The following CBLN2 variants were observed in gnomAD, a reference collection of about 807,000 sequenced individuals.
The protein encoded by CBLN2 is cerebellin 2 precursor.
CBLN2 carries 7 observed loss-of-function variants against 15.0 expected under a neutral mutation model. The observed-to-expected ratio is 0.47, with a 90% CI of 0.27 to 0.88. CBLN2 has a LOEUF of 0.88. Among genes scored for constraint, CBLN2 ranks in the 40% least tolerant of loss-of-function variants. The probability of loss-of-function intolerance (pLI) is 0.14; values close to 1 mark genes in which losing one functional copy is unlikely to be tolerated. For synonymous variants in CBLN2, 149 were observed against 135.2 expected (o/e 1.10, Z -0.71); for missense variants, 242 against 304.5 (o/e 0.79, Z 1.53).
chr18:72,575,113 C>A (rs2069356403), intron 1 of CBLN2, among the ~76,000 whole-genome samples: 1 of 152,006 alleles, frequency 6.6e-6, no homozygotes. Flanking sequence ...TGGGAGGGTG[C>A]AAGTACGGTT....
chr18:72,556,175 G>A (rs2069225879), intron 1 of CBLN2, among the ~76,000 whole-genome samples: 1 of 152,108 alleles, frequency 6.6e-6, no homozygotes. Flanking sequence ...CATGCTGACT[G>A]GAACACACAT....
rs1599009240 is a variant in CBLN2, at chr18:72,581,243, T to C, written c.16-42471A>G. ...TAACGTGTGTCAGAATATTTTTAAT[T>C]GTATACCTTGAGGAATAAATTGCTT... On this transcript the variant is annotated intron_variant, in intron 1 of 2. Coordinates refer to the CBLN2 transcript ENST00000581073. Among the ~76,000 whole-genome samples the C allele has an allele frequency of 3.9e-5, 6 of 152,344 alleles. 1 individual carries two copies. The East Asian group carries it at 1.2e-3, about 29-fold the overall frequency.
chr18:72,633,476 AAAC>A, intron 1 of CBLN2, among the ~76,000 whole-genome samples: 1 of 152,208 alleles, frequency 6.6e-6, no homozygotes, highest in East Asian at 1.9e-4. Flanking sequence ...AGCTAGCTTA[AAAC>A]ATCACCAGCT....
chr18:72,630,799 C>T (rs1271374730), intron 1 of CBLN2, among the ~76,000 whole-genome samples: 13 of 152,168 alleles, frequency 8.5e-5, no homozygotes, highest in African/African-American at 2.2e-4. Flanking sequence ...AACTGAAGGA[C>T]GCCAACATTC....
At chr18:72,591,899 C>G (rs2069482204) in intron 1 of CBLN2, among the ~76,000 whole-genome samples, 1 of 152,090 alleles carries the variant, frequency 6.6e-6, no homozygotes, top group African/African-American at 2.4e-5. Flanking sequence ...CATTTGTCTG[C>G]TGATAGACAC....
chr18:72,555,221 G>T (rs143462184), intron 1 of CBLN2, among the ~76,000 whole-genome samples: 1 of 152,092 alleles, frequency 6.6e-6, no homozygotes, highest in African/African-American at 2.4e-5. Flanking sequence ...GTTTAAAATA[G>T]GGACAGGGCT....
chr18:72,606,480 C>T (rs1403522386), intron 1 of CBLN2, among the ~76,000 whole-genome samples: 1 of 152,174 alleles, frequency 6.6e-6, no homozygotes, highest in Non-Finnish European at 1.5e-5. Context: ...TCTGTGTTAT[C>T]TGTAGAATGT....
chr18:72,591,636 C>G (rs977573481), intron 1 of CBLN2, among the ~76,000 whole-genome samples: 9 of 152,008 alleles, frequency 5.9e-5, no homozygotes, highest in Admixed American at 1.3e-4. Flanking sequence ...TCCTTATTTC[C>G]CCATGTCCCC....
intron 1 of CBLN2, among the ~76,000 whole-genome samples, chr18:72,560,276 C>T (rs981217011): frequency 2.6e-5 from 4 of 152,128 alleles, no homozygotes; most frequent in South Asian, 2.1e-4. Flanking sequence ...CATCTGTGCA[C>T]GTAGGAAAAT....
chr18:72,588,455 C>T (rs993940505), intron 1 of CBLN2, among the ~76,000 whole-genome samples: 2 of 152,196 alleles, frequency 1.3e-5, no homozygotes, highest in Admixed American at 6.5e-5. Context: ...CACAATGCTG[C>T]GAAACCACCA....
chr18:72,588,603 G>A (rs1462660613), intron 1 of CBLN2, among the ~76,000 whole-genome samples: 1 of 152,176 alleles, frequency 6.6e-6, no homozygotes, highest in Non-Finnish European at 1.5e-5. Context: ...GACACACTTC[G>A]ACAGGACGAT....
intron 1 of CBLN2, chr18:72,618,829 G>T: frequency 1.4e-6 from 1 of 736,688 alleles, no homozygotes; most frequent in Non-Finnish European, 2.5e-6. Flanking sequence ...GATGGCGAGT[G>T]CTTCATCCAG....
rs770946224 is a variant in CBLN2, at chr18:72,538,150, C to T, written c.*26G>A. On this transcript the variant is annotated 3_prime_UTR_variant, in exon 5 of 5. Transcript: ENST00000269503. Reference sequence around the variant, plus strand: ...GGAGTCCTGGGTCCAGTTTGCCATTCCCCCACCATCTAGGGGGCTCTGTGT... The same window carrying T: ...GGAGTCCTGGGTCCAGTTTGCCATTTCCCCACCATCTAGGGGGCTCTGTGT... 8.7e-6 allele frequency: 14 copies of T among 1,612,858 alleles called. No individual in the cohort carries two copies. The highest frequency in any genetic ancestry group is 1.0e-5 in the Non-Finnish European group (12 of 1,178,952).
chr18:72,597,573 G>A (rs1336217928), intron 1 of CBLN2, among the ~76,000 whole-genome samples: 3 of 152,168 alleles, frequency 2.0e-5, no homozygotes, highest in Non-Finnish European at 4.4e-5. Context: ...AAGGCCCAAG[G>A]TGTCTATAAT....
intron 1 of CBLN2, among the ~76,000 whole-genome samples, chr18:72,556,752 A>G (rs945462339): frequency 6.6e-6 from 1 of 152,168 alleles, no homozygotes; most frequent in African/African-American, 2.4e-5. Flanking sequence ...AAATTAAACC[A>G]ACTTAGAGCA....
chr18:72,573,604 T>C (rs1027510222), intron 1 of CBLN2, among the ~76,000 whole-genome samples: 4 of 152,238 alleles, frequency 2.6e-5, no homozygotes, highest in Admixed American at 2.6e-4. Context: ...ACATTTCCTA[T>C]GTCTATTCCT....
chr18:72,569,055 G>A (rs148404599), intron 1 of CBLN2, among the ~76,000 whole-genome samples: 102 of 152,272 alleles, frequency 6.7e-4, no homozygotes, highest in African/African-American at 2.3e-3. Context: ...AGACATTCAT[G>A]TTGAAACTTC....
chr18:72,612,286 T>C (rs1425700354), intron 1 of CBLN2, among the ~76,000 whole-genome samples: 1 of 152,220 alleles, frequency 6.6e-6, no homozygotes, highest in Non-Finnish European at 1.5e-5. Flanking sequence ...ATGACATTAA[T>C]AGTTTGGTAG....
intron 1 of CBLN2, among the ~76,000 whole-genome samples, chr18:72,575,174 G>A (rs2069356887): frequency 6.6e-6 from 1 of 152,128 alleles, no homozygotes; most frequent in Non-Finnish European, 1.5e-5. Flanking sequence ...AGTGGTGGTC[G>A]GAGAATGTGA....
Sources: gnomAD v4.1 joint callset for allele counts (sites outside exome capture counted in the v4.1 genomes callset) on GRCh38, gnomAD v4.1.1 for gene constraint, MANE v1.5 for transcripts, NCBI Gene and HGNC (gene_info 2026-07-23, HGNC 2026-07-21) for gene names.